The following CD101 variants were observed in gnomAD, a reference collection of about 807,000 sequenced individuals.
The protein encoded by CD101 is immunoglobulin superfamily member 2.
CD101 carries 76 observed loss-of-function variants against 98.2 expected under a neutral mutation model. The ratio of observed to expected loss-of-function variants is 0.77; its 90% CI spans 0.64 to 0.94. The LOEUF (loss-of-function observed/expected upper bound fraction) is 0.94. Ranked by LOEUF, CD101 falls within the 40% of genes least tolerant of loss-of-function variation. The pLI is 0.00. For synonymous variants in CD101, 471 were observed against 472.7 expected (o/e 1.00, Z 0.05); for missense variants, 1,145 against 1,218.8 (o/e 0.94, Z 0.90).
Position 117,021,523 on chromosome 1 carries a change from T to C in CD101, c.2018-50T>C. 2 of 1,483,274 alleles carry C rather than the reference T, an allele frequency of 1.3e-6. No individual in the cohort carries two copies. Among genetic ancestry groups the C allele is most frequent in the Non-Finnish European group, 1.8e-6 (2 of 1,111,432 alleles). 91.9% of individuals were successfully genotyped at this position (1,483,274 alleles called of 1,614,324 possible). A position where few individuals can be genotyped will look rare whatever the true frequency, so the allele number is the denominator to read the frequency against. On this transcript the variant is annotated intron_variant, in intron 6 of 9. Coordinates refer to ENST00000682167, the MANE Select transcript of CD101 (RefSeq NM_001256106.3). This position sits in a 1 kb window ranked among gnomAD's most constrained non-coding sequence, Gnocchi z 4.7. The stretch of plus-strand genomic sequence containing the variant: ...CTTGACCTCTAATGTCTCTACTACC[T>C]TAACTTTCTATTTCATAGCAAAGTA...
chr1:117,031,331 T>C (rs1570749481), intron 8 of CD101, among the ~76,000 whole-genome samples: 1 of 152,272 alleles, frequency 6.6e-6, no homozygotes, highest in East Asian at 1.9e-4. Flanking sequence ...CCACCTCCTG[T>C]GTAGTGGCCC....
chr1:117,024,931 C>T (rs1472327244), intron 7 of CD101, among the ~76,000 whole-genome samples: 1 of 152,158 alleles, frequency 6.6e-6, no homozygotes, highest in Non-Finnish European at 1.5e-5. Context: ...GCAGAGGGCC[C>T]TGCAGAAGCT....
rs1490094900 is a variant in CD101, at chr1:117,033,028, G to A, written c.2825-832G>A. 6.6e-6 allele frequency: 1 copy of A among 152,292 alleles called. No homozygotes were observed. The allele number at this position is 152,292 out of a possible 1,614,324, so 9.4% of individuals were successfully genotyped here. ...AGCACATGTGCTAGGCACTGTAGGG[G>A]ATATAGAAACAAATGGCACTATCAG... On this transcript the variant is annotated intron_variant, in intron 8 of 9. Coordinates refer to ENST00000682167, the MANE Select transcript of CD101 (RefSeq NM_001256106.3). This position sits in a 1 kb window ranked among gnomAD's most constrained non-coding sequence, Gnocchi z 4.8.
chr1:117,025,474 T>C, intron 7 of CD101, 35 bp from the exon 8 acceptor site: 7 of 1,498,830 alleles, frequency 4.7e-6, no homozygotes, highest in Non-Finnish European at 6.2e-6. Context: ...TCTGAAAGTC[T>C]GCATTCTCTA....
At position 117,022,031 on chromosome 1, in the gene CD101, G is replaced by A; in HGVS notation, c.2428+48G>A. 1.3e-6 allele frequency: 2 copies of A among 1,545,058 alleles called. No individual in the cohort carries two copies. Among genetic ancestry groups the A allele is most frequent in the Non-Finnish European group, 1.7e-6 (2 of 1,147,960 alleles). On this transcript the variant is annotated intron_variant, in intron 7 of 9. Transcript: ENST00000682167. The surrounding 1 kb of genome is among the most constrained non-coding windows in gnomAD (Gnocchi z 4.8). ...CACAATGTCTGTCTGTCTGACGGCT[G>A]TTTTCTCTTGGGCAGCTGTTCTATG...
At chr1:117,014,607 C>G (rs1653098637) in intron 4 of CD101, among the ~76,000 whole-genome samples, 1 of 152,120 alleles carries the variant, frequency 6.6e-6, no homozygotes, top group Admixed American at 6.5e-5. Flanking sequence ...ACAGACATAT[C>G]TGCAACTAAT....
intron 8 of CD101, among the ~76,000 whole-genome samples, chr1:117,030,995 G>A (rs1654427255): frequency 6.6e-6 from 1 of 152,178 alleles, no homozygotes; most frequent in Admixed American, 6.5e-5. Context: ...CTTGTACTTT[G>A]AGCATTGGGC....
Position 117,025,770 on chromosome 1 carries a change from A to G in CD101, c.2690A>G (p.His897Arg). The change falls in exon 8 of 10, where the codon CAT becomes CGT. Residue 897 changes from histidine to arginine, a missense_variant. Coordinates refer to ENST00000682167, the MANE Select transcript of CD101 (RefSeq NM_001256106.3). Reference sequence around the variant, plus strand: ...TCTACAGACTTTGTCCTGAAGCTTCATCAGGTGGAGATGGAGGATGCAGGA... The same window carrying G: ...TCTACAGACTTTGTCCTGAAGCTTCGTCAGGTGGAGATGGAGGATGCAGGA... Reference protein sequence around the residue: ...SSSTDFVLKLHQVEMEDAGMY... With the variant: ...SSSTDFVLKLRQVEMEDAGMY... The G allele has an allele frequency of 3.7e-6, 6 of 1,614,216 alleles. No homozygotes were observed. Among genetic ancestry groups the G allele is most frequent in the Non-Finnish European group, 5.1e-6 (6 of 1,180,042 alleles).
At position 117,022,862 on chromosome 1, in the gene CD101, G is replaced by A. The variant is rs1452797074; in HGVS notation, c.2428+879G>A. ...AAGGGCAGAACAGCAGCTTGGTTTG[G>A]GGTCTCTTCCTGCCCTCTGGCTTCC... On this transcript the variant is annotated intron_variant, in intron 7 of 9. Coordinates refer to ENST00000682167, the MANE Select transcript of CD101 (RefSeq NM_001256106.3). The surrounding 1 kb of genome is among the most constrained non-coding windows in gnomAD (Gnocchi z 4.8). 6.6e-6 allele frequency among the ~76,000 whole-genome samples: 1 copy of A among 152,154 alleles called. No individual in the cohort carries two copies.
chr1:117,017,029 T>C, intron 4 of CD101, 61 bp from the exon 5 acceptor site: 1 of 1,534,474 alleles, frequency 6.5e-7, no homozygotes, highest in Non-Finnish European at 8.8e-7. Flanking sequence ...TTTCACTGTA[T>C]TTTAGAACAT....
chr1:117,015,073 G>A (rs1318854083), intron 4 of CD101, among the ~76,000 whole-genome samples: 1 of 152,058 alleles, frequency 6.6e-6, no homozygotes, highest in East Asian at 1.9e-4. Context: ...CTATCAATAG[G>A]GTCATCTTCT....
rs1653364605 is a variant in CD101 at position 117,018,283 on chromosome 1, G to C, written c.1740G>C (p.Gln580His). ...AGGTGCCACTCACTGTGACGTGGCA[G>C]TTCCAGCCAGCTAGCTCTCACATCT... ...DLKVPLTVTW[Q>H]FQPASSHIFH... The change falls in exon 6 of 10, where the codon CAG becomes CAC. Residue 580 changes from glutamine (Q) to histidine (H), a missense_variant. Transcript: ENST00000682167. This position sits in a 1 kb window ranked among gnomAD's most constrained non-coding sequence, Gnocchi z 4.3. The C allele has an allele frequency of 6.8e-6, 11 of 1,614,194 alleles. No individual in the cohort carries two copies. The highest frequency in any genetic ancestry group is 9.3e-6 in the Non-Finnish European group (11 of 1,180,028).
chr1:117,033,730 G>T lies in CD101; in HGVS notation c.2825-130G>T, dbSNP rs1351477387. 11 of 1,185,224 alleles carry T rather than the reference G, an allele frequency of 9.3e-6. No homozygotes were observed. The highest frequency in any genetic ancestry group is 1.3e-5 in the Non-Finnish European group (11 of 843,216). The allele number at this position is 1,185,224 out of a possible 1,614,324, so 73.4% of individuals were successfully genotyped here. On this transcript the variant is annotated intron_variant, in intron 8 of 9. Coordinates refer to ENST00000682167, the MANE Select transcript of CD101 (RefSeq NM_001256106.3). The surrounding 1 kb of genome is among the most constrained non-coding windows in gnomAD (Gnocchi z 4.8). ...TCCTGTGCTCCTCATGATTTCAGGG[G>T]CCCACTGCTATTTGGCCCCATTATT... is the stretch of plus-strand genomic sequence containing the variant.
chr1:117,030,379 A>AAAACAAACAAAC (rs3835638), intron 8 of CD101, among the ~76,000 whole-genome samples: 4,149 of 150,322 alleles, frequency 0.028, 95 homozygotes, highest in African/African-American at 0.064. Context: ...AGACACTGTC[A>AAAACAAACAAAC]AAACAAACAA....
rs41276562 is a variant in CD101, at chr1:117,013,771, G to A, written c.1207G>A (p.Val403Met). ...LQRKQSPDSH[V>M]HLRKPAARSV... is the part of the protein sequence containing the mutation. The stretch of plus-strand genomic sequence containing the variant: ...GAGAAAGCAGTCACCAGACAGCCAC[G>A]TGCACCTGAGGAAGCCAGCAGGTAC... Residue 403 changes from valine to methionine, a missense_variant, in exon 4 of 10, where the codon GTG (valine) becomes ATG (methionine). Val to Met is a conservative substitution (Grantham distance 21, BLOSUM62 1). Coordinates refer to ENST00000682167, the MANE Select transcript of CD101 (RefSeq NM_001256106.3). 3.0e-5 allele frequency: 48 copies of A among 1,612,172 alleles called. No homozygotes were observed. Among genetic ancestry groups the A allele is most frequent in the Non-Finnish European group, 3.7e-5 (44 of 1,179,486 alleles).
At position 117,010,309 on chromosome 1, in the gene CD101, A is replaced by G; in HGVS notation, c.424+79A>G. 7.0e-7 allele frequency: 1 copy of G among 1,436,030 alleles called. No homozygotes were observed. Among genetic ancestry groups the G allele is most frequent in the East Asian group, 2.3e-5 (1 of 43,586 alleles). The allele number at this position is 1,436,030 out of a possible 1,614,324, so 89.0% of individuals were successfully genotyped here. A position where few individuals can be genotyped will look rare whatever the true frequency, so the allele number is the denominator to read the frequency against. On this transcript the variant is annotated intron_variant, in intron 2 of 9. Coordinates refer to ENST00000682167, the MANE Select transcript of CD101 (RefSeq NM_001256106.3). This position sits in a 1 kb window ranked among gnomAD's most constrained non-coding sequence, Gnocchi z 5.2. ...CCATGACAATATCTTGCAATATGAC[A>G]TGGCTTTATATTGTTCCATTTTCTT...
At chr1:117,013,364 G>C (rs748207561) in intron 3 of CD101, 42 bp from the exon 4 acceptor site, 27 of 1,563,834 alleles carry the variant, frequency 1.7e-5, no homozygotes, top group Non-Finnish European at 6.1e-6. Context: ...AAGGACAGAG[G>C]CTGTGGGCTC....
chr1:117,002,774 C>G (rs1194975394), intron 1 of CD101, among the ~76,000 whole-genome samples: 1 of 152,058 alleles, frequency 6.6e-6, no homozygotes, highest in African/African-American at 2.4e-5. Context: ...TTTTAACCAC[C>G]AAACTTCAAA....
At chr1:117,003,984 T>G (rs1224584550) in intron 1 of CD101, among the ~76,000 whole-genome samples, 1 of 152,226 alleles carries the variant, frequency 6.6e-6, no homozygotes, top group Non-Finnish European at 1.5e-5. Flanking sequence ...GTCCCAATTT[T>G]TTTTTAGTAA....
Sources: gnomAD v4.1 joint callset for allele counts (sites outside exome capture counted in the v4.1 genomes callset) on GRCh38, gnomAD v4.1.1 for gene constraint, Gnocchi (gnomAD v3.1) non-coding constraint, MANE v1.5 for transcripts, NCBI Gene and HGNC (gene_info 2026-07-23, HGNC 2026-07-21) for gene names.